Variants in TTC13 observed in about 807,000 individuals in gnomAD.
TTC13 encodes tetratricopeptide repeat domain 13.
A neutral mutation model predicts 120.0 loss-of-function variants in TTC13; 62 were observed. The ratio of observed to expected loss-of-function variants is 0.52; its 90% CI spans 0.42 to 0.64. TTC13 has a LOEUF of 0.64. Ranked by LOEUF, TTC13 falls within the 30% of genes least tolerant of loss-of-function variation. The pLI is 0.00. For missense variants in TTC13, 824 were observed against 1,050.2 expected, an observed-to-expected ratio of 0.78 and a Z score of 2.98; for synonymous variants, 384 against 393.5, an observed-to-expected ratio of 0.98 and a Z score of 0.28.
intron 6 of TTC13, among the ~76,000 whole-genome samples, chr1:230,943,526 A>G (rs762066947): frequency 6.6e-6 from 1 of 152,268 alleles, no homozygotes; most frequent in East Asian, 1.9e-4. Flanking sequence ...ATATTTTTCA[A>G]TGAATATCTA....
rs1572200440 is a variant in TTC13, at chr1:230,924,402, G to C, written c.1721+439C>G. On this transcript the variant is annotated intron_variant, in intron 14 of 22. Transcript: ENST00000366661. ...GGCTGGAGTGCAGTGGCGCGATCTC[G>C]GCTCACTGCAAGCTCCGCCTCCTGG... 2.0e-5 allele frequency among the ~76,000 whole-genome samples: 3 copies of C among 152,168 alleles called. No homozygotes were observed. In the East Asian group the frequency reaches 5.8e-4, roughly 29 times the overall value.
At chr1:230,926,210 C>A (rs1282261710) in intron 12 of TTC13, among the ~76,000 whole-genome samples, 2 of 151,964 alleles carry the variant, frequency 1.3e-5, no homozygotes, top group Non-Finnish European at 2.9e-5. Flanking sequence ...TAATGATACT[C>A]ACAATAGTGA....
rs999159594 is a variant in TTC13 at position 230,942,336 on chromosome 1, G to A, written c.672+1470C>T. On this transcript the variant is annotated intron_variant, in intron 6 of 22. Transcript: ENST00000366661. The surrounding 1 kb of genome is among the most constrained non-coding windows in gnomAD (Gnocchi z 4.0). ...ACTAAATACCAGCAAGTCTCATGCA[G>A]TGATAAACTATAGTCACTTAACCCT... is the stretch of plus-strand genomic sequence containing the variant. 6.6e-6 allele frequency among the ~76,000 whole-genome samples: 1 copy of A among 152,148 alleles called. No homozygotes were observed. The highest frequency in any genetic ancestry group is 1.5e-5 in the Non-Finnish European group (1 of 68,032).
At chr1:230,955,434 C>T (rs12140962) in intron 3 of TTC13, among the ~76,000 whole-genome samples, 48,126 of 150,946 alleles carry the variant, frequency 0.32, 7,766 homozygotes, top group Middle Eastern at 0.48. Flanking sequence ...GAGGCTGAGG[C>T]AGGCAGATCA....
chr1:230,978,676 A>G lies in TTC13; in HGVS notation c.155T>C (p.Leu52Pro). ...CTGCAGCTCCTGCTTGAGCAGGGAGAGCGGCGAGTAGTGCTCGGTGGCCAG... is the reference window on the plus strand; with the variant it reads ...CTGCAGCTCCTGCTTGAGCAGGGAGGGCGGCGAGTAGTGCTCGGTGGCCAG... ...GALATEHYSP[L>P]SLLKQELQHR... Residue 52 changes from leucine (L) to proline (P), a missense_variant, in exon 1 of 23, where the codon CTC becomes CCC. Physicochemically the swap from Leu to Pro is moderately conservative, Grantham distance 98. Around this residue, in one of 4 missense-constraint regions of TTC13, gnomAD observed 160 missense variants for 137.2 expected, o/e 1.17. Transcript: ENST00000366661. The surrounding 1 kb of genome is among the most constrained non-coding windows in gnomAD (Gnocchi z 5.6). 6.7e-7 allele frequency: 1 copy of G among 1,485,912 alleles called. No homozygotes were observed. Among genetic ancestry groups the G allele is most frequent in the Non-Finnish European group, 8.9e-7 (1 of 1,126,202 alleles). 92.0% of individuals were successfully genotyped at this position (1,485,912 alleles called of 1,614,324 possible).
chr1:230,958,877 C>T (rs746013562), intron 2 of TTC13, among the ~76,000 whole-genome samples: 2 of 152,150 alleles, frequency 1.3e-5, no homozygotes, highest in Non-Finnish European at 2.9e-5. Flanking sequence ...CTGATAGCCC[C>T]AGCTACTTGG....
At chr1:230,941,490 T>A (rs1674528934) in intron 6 of TTC13, among the ~76,000 whole-genome samples, 1 of 152,098 alleles carries the variant, frequency 6.6e-6, no homozygotes, top group African/African-American at 2.4e-5. Flanking sequence ...TTTGCAGAGG[T>A]AGGGGTCTCA....
chr1:230,911,601 T>C, intron 19 of TTC13, 52 bp from the exon 20 acceptor site: 1 of 1,192,628 alleles, frequency 8.4e-7, no homozygotes, highest in Non-Finnish European at 1.2e-6. Context: ...ACAAACTAAT[T>C]TTTCATTAGG....
chr1:230,953,293 T>C (rs1675758308), intron 4 of TTC13, among the ~76,000 whole-genome samples: 1 of 152,196 alleles, frequency 6.6e-6, no homozygotes, highest in Admixed American at 6.5e-5. Flanking sequence ...GAAGATATTA[T>C]CAGTATAATT....
At chr1:230,946,405 C>A (rs1249484257) in intron 4 of TTC13, among the ~76,000 whole-genome samples, 3 of 152,128 alleles carry the variant, frequency 2.0e-5, no homozygotes, top group Admixed American at 6.5e-5. Flanking sequence ...AACACATTCA[C>A]TTCAATGATG....
At chr1:230,911,701 C>G in intron 19 of TTC13, 152 bp from the exon 20 acceptor site, 1 of 519,146 alleles carries the variant, frequency 1.9e-6, no homozygotes, top group Non-Finnish European at 3.3e-6. Flanking sequence ...CTTGAATATT[C>G]TATACCCTTT....
chr1:230,916,102 T>G, intron 18 of TTC13, 91 bp downstream of exon 18: 1 of 958,826 alleles, frequency 1.0e-6, no homozygotes, highest in Non-Finnish European at 1.7e-6. Flanking sequence ...GGAGCAAAAG[T>G]TCAACACCAC....
In TTC13 at chr1:230,916,271, G is replaced by T. The variant is rs925415731; in HGVS notation, c.2015C>A (p.Thr672Asn). The T allele has an allele frequency of 1.2e-6, 2 of 1,614,104 alleles. No homozygotes were observed. The highest frequency in any genetic ancestry group is 8.5e-7 in the Non-Finnish European group (1 of 1,179,964). ...QFNTKTKDGF[T>N]VNTKVPSLKD... Reference sequence around the variant, plus strand: ...AAGGCTGGGAACTTTTGTGTTCACGGTGAACCCATCCTTCGTTTTAGTATT... The same window carrying T: ...AAGGCTGGGAACTTTTGTGTTCACGTTGAACCCATCCTTCGTTTTAGTATT... The change falls in exon 18 of 23, where the codon ACC becomes AAC. Residue 672 changes from threonine (T) to asparagine (N), a missense_variant. Thr to Asn is a moderately conservative substitution (Grantham distance 65). Coordinates refer to ENST00000366661, the MANE Select transcript of TTC13 (RefSeq NM_024525.5).
In TTC13 at chr1:230,911,670, T is replaced by C. The variant is rs1671521618; in HGVS notation, c.2230-121A>G. The C allele has an allele frequency of 1.6e-5, 9 of 579,026 alleles. No individual in the cohort carries two copies. The South Asian group carries it at 3.2e-4, about 21-fold the overall frequency. The allele number at this position is 579,026 out of a possible 1,614,324, so 35.9% of individuals were successfully genotyped here. A position where few individuals can be genotyped will look rare whatever the true frequency, so the allele number is the denominator to read the frequency against. On this transcript the variant is annotated intron_variant, in intron 19 of 22. Transcript: ENST00000366661. ...AGAGGATTGTTTTCTTCCTCCCCCATAAGAATCTACTTTTCAAATTCTTGA... is the reference window on the plus strand; with the variant it reads ...AGAGGATTGTTTTCTTCCTCCCCCACAAGAATCTACTTTTCAAATTCTTGA...
chr1:230,956,873 T>C (rs951827575), intron 3 of TTC13, among the ~76,000 whole-genome samples: 1 of 152,116 alleles, frequency 6.6e-6, no homozygotes, highest in Non-Finnish European at 1.5e-5. Context: ...CTCTCAGAAA[T>C]CTCTACTCAC....
chr1:230,970,350 T>C (rs1314518904), intron 1 of TTC13, among the ~76,000 whole-genome samples: 2 of 152,242 alleles, frequency 1.3e-5, no homozygotes, highest in Non-Finnish European at 2.9e-5. Context: ...TGAGGAATTC[T>C]GCTGTAAAAG....
At chr1:230,976,516 A>G (rs1425871332) in intron 1 of TTC13, among the ~76,000 whole-genome samples, 1 of 152,200 alleles carries the variant, frequency 6.6e-6, no homozygotes, top group East Asian at 1.9e-4. Context: ...CTGGAGCTCC[A>G]AGTAGTTGAT....
chr1:230,969,445 T>C (rs1341239979), intron 1 of TTC13, among the ~76,000 whole-genome samples: 1 of 152,218 alleles, frequency 6.6e-6, no homozygotes, highest in Non-Finnish European at 1.5e-5. Flanking sequence ...TAAAGCTGGA[T>C]ACAGTTATTA....
intron 20 of TTC13, among the ~76,000 whole-genome samples, chr1:230,910,561 G>C (rs1671400077): frequency 1.3e-5 from 2 of 152,220 alleles, no homozygotes; most frequent in South Asian, 4.1e-4. Context: ...GGATGAGGCA[G>C]AGTTGAGGAC....
Sources: allele counts gnomAD v4.1 joint callset (sites outside exome capture counted in the v4.1 genomes callset), GRCh38; gene constraint gnomAD v4.1.1; regional missense constraint gnomAD v4.1.1; non-coding constraint Gnocchi (gnomAD v3.1); transcripts MANE v1.5; gene names NCBI Gene and HGNC (gene_info 2026-07-23, HGNC 2026-07-21).